PDE3A: variants seen among roughly 807,000 people sequenced by gnomAD.
The protein encoded by PDE3A is phosphodiesterase 3A.
A neutral mutation model predicts 98.3 loss-of-function variants in PDE3A; 43 were observed. The ratio of observed to expected loss-of-function variants is 0.44; its 90% CI spans 0.34 to 0.56. The LOEUF is 0.56. Among genes scored for constraint, PDE3A ranks in the 20% least tolerant of loss-of-function variants. The pLI, the probability that PDE3A is intolerant of heterozygous loss-of-function variation, is 0.01. For synonymous variants in PDE3A, 663 were observed against 567.9 expected (o/e 1.17, Z -2.38); for missense variants, 1,427 against 1,440.7 (o/e 0.99, Z 0.15).
At chr12:20,477,807 C>G (rs1945555532) in intron 1 of PDE3A, among the ~76,000 whole-genome samples, 2 of 152,138 alleles carry the variant, frequency 1.3e-5, no homozygotes, top group Non-Finnish European at 1.5e-5. Context: ...TTGAAAACGC[C>G]ATAGCAACCT....
At chr12:20,462,751 C>T (rs937991260) in intron 1 of PDE3A, among the ~76,000 whole-genome samples, 1 of 151,794 alleles carries the variant, frequency 6.6e-6, no homozygotes, top group Non-Finnish European at 1.5e-5. Flanking sequence ...TTGTTAAAAA[C>T]GTCTTGTAAA....
At chr12:20,403,057 A>G (rs1944163521) in intron 1 of PDE3A, among the ~76,000 whole-genome samples, 1 of 152,234 alleles carries the variant, frequency 6.6e-6, no homozygotes, top group South Asian at 2.1e-4. Context: ...AAGGAATGCC[A>G]TCACATGAAT....
In PDE3A at chr12:20,621,413, T is replaced by TA; in HGVS notation, c.1540+4dup. Reference sequence around the variant, plus strand: ...AGGCTAAAAAGCAAAGTCGACCAGGTAAGTAACTTAACTGGAGAAGGGTTC... The same window carrying TA: ...AGGCTAAAAAGCAAAGTCGACCAGGTAAAGTAACTTAACTGGAGAAGGGTTC... On this transcript the variant is annotated splice_region_variant and intron_variant, in intron 5 of 15. Transcript: ENST00000359062. 1 of 1,498,438 alleles carries TA rather than the reference T, an allele frequency of 6.7e-7. No homozygotes were observed. The highest frequency in any genetic ancestry group is 9.3e-7 in the Non-Finnish European group (1 of 1,074,706). The allele number at this position is 1,498,438 out of a possible 1,614,324, so 92.8% of individuals were successfully genotyped here. A position where few individuals can be genotyped will look rare whatever the true frequency, so the allele number is the denominator to read the frequency against.
chr12:20,604,980 A>G (rs1223838025), intron 2 of PDE3A, among the ~76,000 whole-genome samples: 2 of 152,056 alleles, frequency 1.3e-5, no homozygotes, highest in Non-Finnish European at 1.5e-5. Context: ...GTGTGTTGTG[A>G]TTTTCTTTTT....
At chr12:20,565,466 A>T (rs1325888425) in intron 2 of PDE3A, among the ~76,000 whole-genome samples, 1 of 152,052 alleles carries the variant, frequency 6.6e-6, no homozygotes, top group Non-Finnish European at 1.5e-5. Flanking sequence ...ACTGATAAAA[A>T]AAGATTGTGC....
At chr12:20,603,085 A>T (rs1943630518) in intron 2 of PDE3A, among the ~76,000 whole-genome samples, 1 of 152,194 alleles carries the variant, frequency 6.6e-6, no homozygotes, top group Middle Eastern at 3.2e-3. Flanking sequence ...TGCTACAGAG[A>T]TGTAGGAGGA....
intron 13 of PDE3A, 123 bp downstream of exon 13, chr12:20,649,014 C>T: frequency 1.6e-6 from 1 of 634,500 alleles, no homozygotes; most frequent in Non-Finnish European, 2.7e-6. Flanking sequence ...CAGCCTCTGC[C>T]TCCTGGGTTC....
chr12:20,438,198 T>A (rs1944810934), intron 1 of PDE3A, among the ~76,000 whole-genome samples: 1 of 152,196 alleles, frequency 6.6e-6, no homozygotes, highest in Non-Finnish European at 1.5e-5. Flanking sequence ...GCTATTTATC[T>A]TTTAAGGAAG....
At chr12:20,500,402 G>A (rs1048272662) in intron 1 of PDE3A, among the ~76,000 whole-genome samples, 2 of 152,046 alleles carry the variant, frequency 1.3e-5, no homozygotes, top group Admixed American at 6.6e-5. Flanking sequence ...AGCATTTTGT[G>A]TACATTGTTA....
intron 1 of PDE3A, among the ~76,000 whole-genome samples, chr12:20,443,385 C>A (rs1310169108): frequency 3.3e-5 from 5 of 152,098 alleles, no homozygotes; most frequent in African/African-American, 4.8e-5. Flanking sequence ...GGAGGAATTA[C>A]AAATGTACTT....
At chr12:20,667,289 T>G (rs71446708) in intron 15 of PDE3A, among the ~76,000 whole-genome samples, 5,244 of 152,256 alleles carry the variant, frequency 0.034, 122 homozygotes, top group Middle Eastern at 0.061. Flanking sequence ...TTTAGTCCCA[T>G]TTGTCTGTAT....
chr12:20,503,823 T>G (rs2121091780), intron 1 of PDE3A, among the ~76,000 whole-genome samples: 1 of 152,258 alleles, frequency 6.6e-6, no homozygotes. Context: ...ACCTTTAATG[T>G]GTCATCATTA....
intron 1 of PDE3A, among the ~76,000 whole-genome samples, chr12:20,466,543 T>G (rs925274461): frequency 6.6e-6 from 1 of 152,204 alleles, no homozygotes; most frequent in Non-Finnish European, 1.5e-5. Flanking sequence ...TGTGAATGCT[T>G]TTTAAAATTT....
chr12:20,482,422 G>GA, intron 1 of PDE3A, among the ~76,000 whole-genome samples: 1 of 152,120 alleles, frequency 6.6e-6, no homozygotes, highest in East Asian at 1.9e-4. Context: ...TGTAGGGAAA[G>GA]AAAAAAATCA....
rs892227055 is a variant in PDE3A at position 20,687,462 on chromosome 12, T to A, written c.*7191T>A. ...TAAATTTTTTATACTCTGTAAAATA[T>A]TTGCATGGGAATTTTAGCTTATTAT... On this transcript the variant is annotated 3_prime_UTR_variant, in exon 16 of 16. Transcript: ENST00000359062. Among the ~76,000 whole-genome samples, 1 of 150,930 alleles carries A rather than the reference T, an allele frequency of 6.6e-6. No homozygotes were observed. Among genetic ancestry groups the A allele is most frequent in the Admixed American group, 6.6e-5 (1 of 15,108 alleles).
intron 1 of PDE3A, among the ~76,000 whole-genome samples, chr12:20,498,867 C>T (rs1945972598): frequency 6.6e-6 from 1 of 151,862 alleles, no homozygotes; most frequent in Non-Finnish European, 1.5e-5. Context: ...TTCCTTCTTC[C>T]TCTGCCCCTC....
At chr12:20,399,609 T>C (rs977082692) in intron 1 of PDE3A, among the ~76,000 whole-genome samples, 4 of 152,214 alleles carry the variant, frequency 2.6e-5, no homozygotes, top group Admixed American at 2.6e-4. Context: ...AAGCTTAAAA[T>C]ACTATTATTT....
At chr12:20,401,208 A>T (rs1038277087) in intron 1 of PDE3A, among the ~76,000 whole-genome samples, 1 of 152,192 alleles carries the variant, frequency 6.6e-6, no homozygotes, top group Non-Finnish European at 1.5e-5. Context: ...GTAACTTCTC[A>T]ACTGGTCTCC....
At chr12:20,594,602 C>T (rs1022316354) in intron 2 of PDE3A, among the ~76,000 whole-genome samples, 2 of 150,820 alleles carry the variant, frequency 1.3e-5, no homozygotes, top group African/African-American at 2.4e-5. Context: ...TATGAAATGA[C>T]GCTCATCTTT....
Sources: gnomAD v4.1 joint callset for allele counts (sites outside exome capture counted in the v4.1 genomes callset) on GRCh38, gnomAD v4.1.1 for gene constraint, MANE v1.5 for transcripts, NCBI Gene and HGNC (gene_info 2026-07-23, HGNC 2026-07-21) for gene names.